Variants in MED13 observed in about 807,000 individuals in gnomAD.
MED13 encodes mediator of RNA polymerase II transcription subunit 13.
In MED13, 23 loss-of-function variants were observed where a neutral mutation model predicts 225.2. The observed-to-expected ratio is 0.10, with a 90% CI of 0.07 to 0.14. The LOEUF is 0.14. MED13 is among the 10% of genes least tolerant of loss of function. The probability of loss-of-function intolerance (pLI) is 1.00; values close to 1 mark genes in which losing one functional copy is unlikely to be tolerated. For missense variants in MED13, 2,197 were observed against 2,594.5 expected, an observed-to-expected ratio of 0.85 and a Z score of 3.33; for synonymous variants, 942 against 889.2, an observed-to-expected ratio of 1.06 and a Z score of -1.06.
intron 16 of MED13, among the ~76,000 whole-genome samples, chr17:61,975,811 T>A (rs997790678): frequency 6.6e-6 from 1 of 151,020 alleles, no homozygotes; most frequent in African/African-American, 2.4e-5. Context: ...AGGTCAGGAG[T>A]TTGAGACCAG....
chr17:61,944,275 T>C lies in MED13; in HGVS notation c.*2193A>G, dbSNP rs2079836122. On this transcript the variant is annotated 3_prime_UTR_variant, in exon 30 of 30. Transcript: ENST00000397786. ...TAGTGATTTTAAACAACTGAGAATATAACTTTTATTTTGTAAAGTCACTAT... is the reference window on the plus strand; with the variant it reads ...TAGTGATTTTAAACAACTGAGAATACAACTTTTATTTTGTAAAGTCACTAT... 1 of 152,556 alleles carries C rather than the reference T, an allele frequency of 6.6e-6. No homozygotes were observed. Among genetic ancestry groups the C allele is most frequent in the Non-Finnish European group, 1.5e-5 (1 of 67,992 alleles). 9.5% of individuals were successfully genotyped at this position (152,556 alleles called of 1,614,324 possible). A position where few individuals can be genotyped will look rare whatever the true frequency, so the allele number is the denominator to read the frequency against.
chr17:62,003,795 A>C (rs1411809050), intron 9 of MED13: 1 of 152,162 alleles, frequency 6.6e-6, no homozygotes, highest in Non-Finnish European at 1.5e-5. Context: ...TATTTCCTTA[A>C]CTTACATAAT....
At chr17:62,012,675 T>C (rs2080523134) in intron 8 of MED13, among the ~76,000 whole-genome samples, 1 of 151,950 alleles carries the variant, frequency 6.6e-6, no homozygotes, top group South Asian at 2.1e-4. Context: ...ACACATTCAG[T>C]ATTCATTAGG....
chr17:61,990,189 C>T (rs570408321), intron 11 of MED13, among the ~76,000 whole-genome samples: 6 of 152,082 alleles, frequency 3.9e-5, no homozygotes, highest in African/African-American at 9.6e-5. Context: ...TTGCAAATTG[C>T]TGAAAGTAGA....
chr17:61,967,939 C>A, intron 18 of MED13, 96 bp downstream of exon 18: 1 of 891,412 alleles, frequency 1.1e-6, no homozygotes, highest in Middle Eastern at 3.5e-4. Context: ...GACATCATCA[C>A]TGTGTCCCAA....
rs536949659 is a variant in MED13 at position 61,986,066 on chromosome 17, C to T, written c.2385+941G>A. Reference sequence around the variant, plus strand: ...GTGATAAATATTAATATGTAGACCACGTTCTGACTACAATCTTTTATTTCA... The same window carrying T: ...GTGATAAATATTAATATGTAGACCATGTTCTGACTACAATCTTTTATTTCA... On this transcript the variant is annotated intron_variant, in intron 12 of 29. Coordinates refer to ENST00000397786, the MANE Select transcript of MED13 (RefSeq NM_005121.3). Among the ~76,000 whole-genome samples the T allele has an allele frequency of 5.3e-5, 8 of 152,254 alleles. No individual in the cohort carries two copies. The East Asian group carries it at 9.6e-4, about 18-fold the overall frequency.
At chr17:61,976,350 G>T (rs904926024) in intron 16 of MED13, among the ~76,000 whole-genome samples, 1 of 152,170 alleles carries the variant, frequency 6.6e-6, no homozygotes, top group African/African-American at 2.4e-5. Flanking sequence ...ATCCAAAAGC[G>T]GCAAATCTAG....
chr17:62,038,861 C>T (rs955609414), intron 3 of MED13, among the ~76,000 whole-genome samples: 4 of 151,424 alleles, frequency 2.6e-5, no homozygotes, highest in Middle Eastern at 3.2e-3. Flanking sequence ...ATGGCAGGGG[C>T]GGGGGGGCTC....
At chr17:61,989,673 G>A (rs925002689) in intron 11 of MED13, among the ~76,000 whole-genome samples, 8 of 152,258 alleles carry the variant, frequency 5.3e-5, no homozygotes, top group African/African-American at 1.2e-4. Context: ...GTCTCACTAC[G>A]TTGGCCAAGG....
At chr17:62,049,285 A>C (rs2080932822) in intron 3 of MED13, among the ~76,000 whole-genome samples, 1 of 152,150 alleles carries the variant, frequency 6.6e-6, no homozygotes, top group African/African-American at 2.4e-5. Flanking sequence ...AAGTCCTTGA[A>C]GGTAGGGAGA....
intron 23 of MED13, among the ~76,000 whole-genome samples, chr17:61,960,020 T>C (rs1382638945): frequency 6.6e-6 from 1 of 151,946 alleles, no homozygotes; most frequent in East Asian, 1.9e-4. Context: ...AGCCACCACG[T>C]CTGGCCAGAA....
chr17:62,059,716 G>C (rs965141135), intron 2 of MED13, among the ~76,000 whole-genome samples: 6 of 152,206 alleles, frequency 3.9e-5, no homozygotes, highest in African/African-American at 1.4e-4. Flanking sequence ...ATTACCCCAA[G>C]AGGGAGGTAG....
intron 28 of MED13, among the ~76,000 whole-genome samples, chr17:61,949,026 T>C (rs1364169799): frequency 6.7e-6 from 1 of 149,600 alleles, no homozygotes; most frequent in Non-Finnish European, 1.5e-5. Flanking sequence ...AGGCGGAGCT[T>C]GCAGTGAGCC....
chr17:62,039,757 A>C (rs1288442840), intron 3 of MED13, among the ~76,000 whole-genome samples: 1 of 151,884 alleles, frequency 6.6e-6, no homozygotes, highest in African/African-American at 2.4e-5. Context: ...GCGTCCGGCT[A>C]GTTTTTTTTG....
At chr17:62,009,950 G>T (rs550408178) in intron 9 of MED13, among the ~76,000 whole-genome samples, 1 of 152,048 alleles carries the variant, frequency 6.6e-6, no homozygotes, top group African/African-American at 2.4e-5. Context: ...GGCCAGGTGC[G>T]GTGGCTCATG....
At chr17:62,023,948 T>G (rs1342921107) in intron 8 of MED13, among the ~76,000 whole-genome samples, 1 of 152,208 alleles carries the variant, frequency 6.6e-6, no homozygotes. Context: ...GTCACACGTA[T>G]CGATTATGTA....
intron 10 of MED13, among the ~76,000 whole-genome samples, chr17:61,992,880 C>T (rs2080312354): frequency 6.6e-6 from 1 of 151,382 alleles, no homozygotes; most frequent in African/African-American, 2.4e-5. Flanking sequence ...TGATCTCCTG[C>T]CTCAGCTTCC....
chr17:62,030,111 A>G, intron 6 of MED13, 98 bp from the exon 7 acceptor site: 3 of 1,076,768 alleles, frequency 2.8e-6, no homozygotes, highest in Non-Finnish European at 3.8e-6. Context: ...AAGCTGCTCC[A>G]GCTATCTGGT....
At chr17:62,023,543 G>T (rs1185490710) in intron 8 of MED13, among the ~76,000 whole-genome samples, 1 of 152,164 alleles carries the variant, frequency 6.6e-6, no homozygotes, top group East Asian at 1.9e-4. Flanking sequence ...CTCAAAAAGG[G>T]ACTGGGGAAA....
Sources: allele counts gnomAD v4.1 joint callset (sites outside exome capture counted in the v4.1 genomes callset), GRCh38; gene constraint gnomAD v4.1.1; transcripts MANE v1.5; gene names NCBI Gene and HGNC (gene_info 2026-07-23, HGNC 2026-07-21).